ASCC3: variants seen among roughly 807,000 people sequenced by gnomAD.
ASCC3 encodes the protein activating signal cointegrator 1 complex subunit 3.
In ASCC3, 158 loss-of-function variants were observed where a neutral mutation model predicts 256.3. That is an observed-to-expected ratio of 0.62 (90% CI 0.54 to 0.70). ASCC3 has a LOEUF of 0.70. ASCC3 is among the 30% of genes least tolerant of loss of function. The probability of loss-of-function intolerance (pLI) is 0.00; values close to 1 mark genes in which losing one functional copy is unlikely to be tolerated. For missense variants in ASCC3, 2,259 were observed against 2,626.0 expected, an observed-to-expected ratio of 0.86 and a Z score of 3.05; for synonymous variants, 948 against 883.4, an observed-to-expected ratio of 1.07 and a Z score of -1.30.
At chr6:100,558,531 A>T (rs1184492614) in intron 36 of ASCC3, among the ~76,000 whole-genome samples, 2 of 152,170 alleles carry the variant, frequency 1.3e-5, no homozygotes, top group Admixed American at 1.3e-4. Flanking sequence ...TCAAAAAGAC[A>T]ACTTTGAAGA....
intron 4 of ASCC3, among the ~76,000 whole-genome samples, chr6:100,807,436 A>C (rs1770245618): frequency 6.6e-6 from 1 of 151,834 alleles, no homozygotes; most frequent in South Asian, 2.1e-4. Context: ...ATTATCCATC[A>C]ACAAAGTATG....
At chr6:100,718,997 A>C (rs1451421008) in intron 11 of ASCC3, among the ~76,000 whole-genome samples, 2 of 152,016 alleles carry the variant, frequency 1.3e-5, no homozygotes, top group Non-Finnish European at 2.9e-5. Flanking sequence ...AGTCTAGGAG[A>C]CTCAATAGGT....
intron 36 of ASCC3, among the ~76,000 whole-genome samples, chr6:100,561,159 A>C (rs536124425): frequency 4.6e-5 from 7 of 152,118 alleles, no homozygotes; most frequent in African/African-American, 1.7e-4. Flanking sequence ...CTTGGTCTAC[A>C]AATAGCAAAA....
chr6:100,729,049 AT>A (rs1779772157), intron 10 of ASCC3, among the ~76,000 whole-genome samples: 1 of 152,170 alleles, frequency 6.6e-6, no homozygotes, highest in Admixed American at 6.5e-5. Flanking sequence ...CCCATGATAT[AT>A]TTATGACTAA....
chr6:100,761,584 C>A (rs1300641317), intron 10 of ASCC3, among the ~76,000 whole-genome samples: 2 of 152,186 alleles, frequency 1.3e-5, no homozygotes, highest in Non-Finnish European at 2.9e-5. Flanking sequence ...GAAATAAAGA[C>A]ATTCTCAGAT....
At chr6:100,610,825 A>C (rs561280536) in intron 30 of ASCC3, among the ~76,000 whole-genome samples, 1 of 152,266 alleles carries the variant, frequency 6.6e-6, no homozygotes, top group African/African-American at 2.4e-5. Context: ...ACTACATGTT[A>C]GGTATTCTCA....
At chr6:100,758,919 TTAA>T (rs1481061746) in intron 10 of ASCC3, among the ~76,000 whole-genome samples, 1 of 152,210 alleles carries the variant, frequency 6.6e-6, no homozygotes, top group Non-Finnish European at 1.5e-5. Flanking sequence ...TCTTGGTTTT[TTAA>T]TAATTGCCAT....
At position 100,631,210 on chromosome 6, in the gene ASCC3, C is replaced by T. The variant is rs1352042473; in HGVS notation, c.4126G>A (p.Val1376Ile). The change falls in exon 26 of 42, where the codon GTA becomes ATA. Residue 1376 changes from valine (V) to isoleucine (I), a missense_variant. By Grantham distance (29) the Val-to-Ile change is conservative. Around this residue, in one of 2 missense-constraint regions of ASCC3, gnomAD observed 1,839 missense variants for 2,206.7 expected, o/e 0.83. Coordinates refer to ENST00000369162, the MANE Select transcript of ASCC3 (RefSeq NM_006828.4). ...AGGGCTTTTAGGGGTGCAATATATA[C>T]CGCCTAAAAAGGGGAGAATAGCCAA... ...VFNKYPTSKAVYIAPLKALVR... is the reference protein window; with the variant it reads ...VFNKYPTSKAIYIAPLKALVR... 6 of 1,610,122 alleles carry T rather than the reference C, an allele frequency of 3.7e-6. No homozygotes were observed. The highest frequency in any genetic ancestry group is 1.7e-4 in the Middle Eastern group (1 of 6,014).
chr6:100,645,897 C>T (rs571542592), intron 22 of ASCC3, among the ~76,000 whole-genome samples: 1 of 152,144 alleles, frequency 6.6e-6, no homozygotes, highest in East Asian at 1.9e-4. Flanking sequence ...ATTATGGCAA[C>T]CCATCAGTCT....
intron 10 of ASCC3, among the ~76,000 whole-genome samples, chr6:100,749,358 C>A (rs1036944321): frequency 2.6e-5 from 4 of 151,896 alleles, no homozygotes; most frequent in African/African-American, 9.7e-5. Context: ...ATACAATCAA[C>A]TTTCATTTTT....
chr6:100,568,752 AATTATTATTATT>A lies in ASCC3; in HGVS notation c.5550+20870_5550+20881del, dbSNP rs111974347. ...AATTGCTTTTGAGGACTTAGTCATA[AATTATTATTATT>A]ATTATTATTATTATTATTATTATTA... On this transcript the variant is annotated intron_variant, in intron 36 of 41. Coordinates refer to ENST00000369162, the MANE Select transcript of ASCC3 (RefSeq NM_006828.4). Among the ~76,000 whole-genome samples the A allele has an allele frequency of 7.9e-3, 1,109 of 139,624 alleles. 21 individuals are homozygous for A. The highest frequency in any genetic ancestry group is 0.027 in the African/African-American group (1,005 of 37,044). The allele number at this position is 139,624 out of a possible 152,430, so 91.6% of individuals were successfully genotyped here.
At chr6:100,698,456 A>G (rs1778188779) in intron 13 of ASCC3, among the ~76,000 whole-genome samples, 1 of 152,132 alleles carries the variant, frequency 6.6e-6, no homozygotes, top group African/African-American at 2.4e-5. Flanking sequence ...CTAAATTTTT[A>G]AAAGGGCTCC....
At chr6:100,844,137 T>C (rs985402051) in intron 4 of ASCC3, among the ~76,000 whole-genome samples, 7 of 148,902 alleles carry the variant, frequency 4.7e-5, no homozygotes, top group African/African-American at 1.5e-4. Context: ...TGCCAGTTAA[T>C]GTTCTTTTCT....
intron 3 of ASCC3, among the ~76,000 whole-genome samples, chr6:100,855,022 T>G (rs967116044): frequency 1.3e-5 from 2 of 152,174 alleles, no homozygotes; most frequent in Admixed American, 1.3e-4. Context: ...TACTAAGGAA[T>G]GCAGTTTTAA....
intron 5 of ASCC3, among the ~76,000 whole-genome samples, chr6:100,800,967 CTTAG>C (rs1769888449): frequency 2.0e-5 from 3 of 151,934 alleles, no homozygotes; most frequent in Admixed American, 6.6e-5. Context: ...TATGTTACTA[CTTAG>C]TTATTTATAG....
Position 100,517,996 on chromosome 6 carries a change from A to G in ASCC3, c.5922T>C (p.Leu1974=). ...LPNIENHHLH[L]FKKWKPIMKG... The stretch of plus-strand genomic sequence containing the variant: ...TTGAAAAGTAAAACAATTACTTGAA[A>G]AGGTGAAGATGATGGTTTTCTATGT... Residue 1974 remains leucine (L), a synonymous_variant, in exon 38 of 42, where the codon CTT becomes CTC. Transcript: ENST00000369162. 2 of 1,613,292 alleles carry G rather than the reference A, an allele frequency of 1.2e-6. No homozygotes were observed. The highest frequency in any genetic ancestry group is 1.7e-4 in the Middle Eastern group (1 of 6,038).
intron 36 of ASCC3, among the ~76,000 whole-genome samples, chr6:100,586,680 C>G (rs1364571741): frequency 1.3e-5 from 2 of 152,160 alleles, no homozygotes; most frequent in African/African-American, 4.8e-5. Context: ...CTGCGTCACT[C>G]ACGCTGGGAG....
At chr6:100,655,209 A>G (rs976523225) in intron 17 of ASCC3, among the ~76,000 whole-genome samples, 2 of 151,940 alleles carry the variant, frequency 1.3e-5, no homozygotes, top group African/African-American at 4.8e-5. Flanking sequence ...TTCTCAGTCT[A>G]TGTATATGGA....
chr6:100,732,165 CAAAAA>C (rs386408063), intron 10 of ASCC3, among the ~76,000 whole-genome samples: 2 of 105,098 alleles, frequency 1.9e-5, no homozygotes, highest in African/African-American at 3.8e-5. Flanking sequence ...CGTCTCAAAA[CAAAAA>C]AAAAAAAAAA....
Sources: allele counts gnomAD v4.1 joint callset (sites outside exome capture counted in the v4.1 genomes callset), GRCh38; gene constraint gnomAD v4.1.1; regional missense constraint gnomAD v4.1.1; transcripts MANE v1.5; gene names NCBI Gene and HGNC (gene_info 2026-07-23, HGNC 2026-07-21).